The following ESRRB variants were observed in gnomAD, a reference collection of about 807,000 sequenced individuals.
ESRRB encodes steroid hormone receptor ERR2.
A neutral mutation model predicts 46.0 loss-of-function variants in ESRRB; 16 were observed. The ratio of observed to expected loss-of-function variants is 0.35; its 90% confidence interval spans 0.24 to 0.53. The LOEUF (loss-of-function observed/expected upper bound fraction) is 0.53, where lower values mean the gene tolerates loss of function less well. Among genes scored for constraint, ESRRB ranks in the 20% least tolerant of loss-of-function variants. The pLI is 0.93. For synonymous variants in ESRRB, 246 were observed against 259.6 expected, an observed-to-expected ratio of 0.95 and a Z score of 0.50; for missense variants, 488 against 607.4, an observed-to-expected ratio of 0.80 and a Z score of 2.07.
chr14:76,434,336 A>G (rs1004922677), intron 1 of ESRRB, among the ~76,000 whole-genome samples: 7 of 152,292 alleles, frequency 4.6e-5, no homozygotes, highest in South Asian at 2.1e-4. Context: ...AGAGTTCTCT[A>G]TTCTGACACT....
chr14:76,434,672 GAAAAGAA>G (rs1440580509), intron 1 of ESRRB, among the ~76,000 whole-genome samples: 3 of 142,546 alleles, frequency 2.1e-5, no homozygotes, highest in Non-Finnish European at 4.6e-5. Context: ...AAAAAAAAAA[GAAAAGAA>G]AAAAGAAAAA....
chr14:76,424,172 C>T (rs1358066289), intron 1 of ESRRB, among the ~76,000 whole-genome samples: 2 of 152,188 alleles, frequency 1.3e-5, no homozygotes, highest in Non-Finnish European at 1.5e-5. Flanking sequence ...GATTTACTAA[C>T]CATTGTCCCG....
intron 1 of ESRRB, among the ~76,000 whole-genome samples, chr14:76,357,797 T>A (rs1055865755): frequency 2.0e-5 from 3 of 152,208 alleles, no homozygotes; most frequent in Non-Finnish European, 4.4e-5. Flanking sequence ...ATTACAGGTA[T>A]GAGCCACACA....
intron 5 of ESRRB, among the ~76,000 whole-genome samples, chr14:76,488,546 C>T (rs1465917227): frequency 6.6e-6 from 1 of 152,184 alleles, no homozygotes; most frequent in African/African-American, 2.4e-5. Flanking sequence ...ATTTTCTTGT[C>T]TCCTGGGAGT....
intron 1 of ESRRB, among the ~76,000 whole-genome samples, chr14:76,355,168 G>A (rs375026136): frequency 2.6e-5 from 4 of 152,186 alleles, no homozygotes; most frequent in African/African-American, 7.2e-5. Context: ...GTCTGAAGCC[G>A]GGGCCAGGTG....
At chr14:76,349,977 G>A (rs1183071074) in intron 1 of ESRRB, among the ~76,000 whole-genome samples, 2 of 152,132 alleles carry the variant, frequency 1.3e-5, no homozygotes, top group Non-Finnish European at 2.9e-5. Context: ...TATTCTCTCT[G>A]CCACCTCACA....
At chr14:76,395,616 A>T (rs561942565) in intron 1 of ESRRB, among the ~76,000 whole-genome samples, 236 of 152,230 alleles carry the variant, frequency 1.6e-3, no homozygotes, top group African/African-American at 5.4e-3. Context: ...TCCTTCTCTT[A>T]TAGGGTTGCA....
chr14:76,387,221 C>T (rs759154455), intron 1 of ESRRB, among the ~76,000 whole-genome samples: 7 of 152,168 alleles, frequency 4.6e-5, no homozygotes, highest in Admixed American at 1.3e-4. Flanking sequence ...AGGGTACCAG[C>T]GGACCCCAGC....
chr14:76,497,680 T>C (rs1040770329), intron 6 of ESRRB, among the ~76,000 whole-genome samples: 2 of 152,176 alleles, frequency 1.3e-5, no homozygotes, highest in Non-Finnish European at 2.9e-5. Flanking sequence ...CACTGAAGAC[T>C]TGGGGAGCTG....
intron 1 of ESRRB, among the ~76,000 whole-genome samples, chr14:76,396,633 C>A (rs1885693387): frequency 6.6e-6 from 1 of 152,238 alleles, no homozygotes; most frequent in Non-Finnish European, 1.5e-5. Flanking sequence ...GACACACAGT[C>A]CTCTAGAAAC....
At chr14:76,344,706 G>C (rs4488378) in intron 1 of ESRRB, among the ~76,000 whole-genome samples, 5,421 of 152,188 alleles carry the variant, frequency 0.036, 166 homozygotes, top group East Asian at 0.093. Flanking sequence ...CAAAAAATTA[G>C]CCAGGCATGG....
At chr14:76,361,319 GGGGACCCCAA>G (rs1471750237) in intron 1 of ESRRB, among the ~76,000 whole-genome samples, 1 of 152,170 alleles carries the variant, frequency 6.6e-6, no homozygotes, top group Non-Finnish European at 1.5e-5. Context: ...GGGATGTAAA[GGGGACCCCAA>G]GGTAGTCAGC....
rs1475645265 is a variant in ESRRB at position 76,482,734 on chromosome 14, C to A, written c.825C>A (p.Ile275=). The A allele has an allele frequency of 6.2e-7, 1 of 1,614,028 alleles. No individual in the cohort carries two copies. Among genetic ancestry groups the A allele is most frequent in the African/African-American group, 1.3e-5 (1 of 74,928 alleles). Reference sequence around the variant, plus strand: ...TGGCAGACCGAGAGCTTGTGGTCATCATTGGCTGGGCCAAGCACATCCCAG... The same window carrying A: ...TGGCAGACCGAGAGCTTGTGGTCATAATTGGCTGGGCCAAGCACATCCCAG... The part of the protein sequence containing the change: ...CDLADRELVV[I]IGWAKHIPGF... The change falls in exon 5 of 7, where the codon ATC becomes ATA. Residue 275 remains isoleucine (I), a synonymous_variant. Coordinates refer to ENST00000644823, the MANE Select transcript of ESRRB (RefSeq NM_001379180.1). The surrounding 1 kb of genome is among the most constrained non-coding windows in gnomAD (Gnocchi z 4.3).
intron 3 of ESRRB, 51 bp downstream of exon 3, chr14:76,462,712 G>T: frequency 7.0e-7 from 1 of 1,421,054 alleles, no homozygotes; most frequent in South Asian, 1.1e-5. Context: ...GCTTGCTGGG[G>T]AGTTTTTGTC....
intron 1 of ESRRB, among the ~76,000 whole-genome samples, chr14:76,322,992 C>A (rs1883885977): frequency 6.6e-6 from 1 of 152,156 alleles, no homozygotes; most frequent in African/African-American, 2.4e-5. Context: ...CAGGTTTCTG[C>A]CTTTCTGCTG....
At chr14:76,340,561 T>C (rs1248101857) in intron 1 of ESRRB, among the ~76,000 whole-genome samples, 2 of 152,216 alleles carry the variant, frequency 1.3e-5, no homozygotes, top group African/African-American at 4.8e-5. Flanking sequence ...AGGATTGCTG[T>C]GGCCGGGAAC....
chr14:76,483,940 GC>G (rs1213828575), intron 5 of ESRRB, among the ~76,000 whole-genome samples: 2 of 151,994 alleles, frequency 1.3e-5, no homozygotes, highest in Non-Finnish European at 2.9e-5. Context: ...TGCAACCTTC[GC>G]CCCCCAGGTT....
At chr14:76,346,237 C>T (rs990280376) in intron 1 of ESRRB, among the ~76,000 whole-genome samples, 1 of 152,190 alleles carries the variant, frequency 6.6e-6, no homozygotes, top group African/African-American at 2.4e-5. Context: ...AGATGGAATC[C>T]ATGCAGATCC....
intron 3 of ESRRB, among the ~76,000 whole-genome samples, chr14:76,466,632 C>G (rs889185644): frequency 6.6e-6 from 1 of 152,030 alleles, no homozygotes; most frequent in African/African-American, 2.4e-5. Flanking sequence ...TAATTTTTCT[C>G]TTTTAAAAAC....
Sources: allele counts gnomAD v4.1 joint callset (sites outside exome capture counted in the v4.1 genomes callset), GRCh38; gene constraint gnomAD v4.1.1; non-coding constraint Gnocchi (gnomAD v3.1); transcripts MANE v1.5; gene names NCBI Gene and HGNC (gene_info 2026-07-23, HGNC 2026-07-21).